The following MMP28 variants were observed in gnomAD, a reference collection of about 807,000 sequenced individuals.
MMP28 encodes the protein matrix metalloproteinase-28.
Under a neutral mutation model 60.5 loss-of-function variants are expected in MMP28, and 55 were observed. The observed-to-expected ratio is 0.91, with a 90% confidence interval of 0.73 to 1.14. The LOEUF (loss-of-function observed/expected upper bound fraction) is 1.14, where lower values mean the gene tolerates loss of function less well. Ranked by LOEUF, MMP28 falls within the 50% of genes most tolerant of loss-of-function variation. The probability of loss-of-function intolerance (pLI) is 0.00; values close to 1 mark genes in which losing one functional copy is unlikely to be tolerated. For missense variants in MMP28, 686 were observed against 738.3 expected (o/e 0.93, Z 0.82); for synonymous variants, 318 against 312.5 (o/e 1.02, Z -0.18).
downstream of MMP28, among the ~76,000 whole-genome samples, chr17:35,762,937 A>G (rs587750049): frequency 6.6e-6 from 1 of 152,214 alleles, no homozygotes; most frequent in South Asian, 2.1e-4. Flanking sequence ...CCTGGCAAAC[A>G]TGGTGAAACC....
chr17:35,779,327 C>T lies in MMP28; in HGVS notation c.112-4G>A, dbSNP rs113987867. ...ATCCGTACTTCTCTAGGAATGCCTG[C>T]GGGAGAGAGGAATATCTGCTTTTTC... On this transcript the variant is annotated splice_region_variant and splice_polypyrimidine_tract_variant and intron_variant, in intron 1 of 7. Transcript: ENST00000605424. 676 of 1,609,894 alleles carry T rather than the reference C, an allele frequency of 4.2e-4. 7 individuals are homozygous for T. In the Middle Eastern group the frequency reaches 0.018, roughly 43 times the overall value.
In MMP28 at chr17:35,766,449, A is replaced by T; in HGVS notation, c.*51T>A. ...AGGGGTTCTGCCCCGGGGGTGGGGA[A>T]CATGATTTTGCCCTGAGAGCACCAC... On this transcript the variant is annotated 3_prime_UTR_variant, in exon 8 of 8. Coordinates refer to ENST00000605424, the MANE Select transcript of MMP28 (RefSeq NM_024302.5). This position sits in a 1 kb window ranked among gnomAD's most constrained non-coding sequence, Gnocchi z 4.3. 1 of 1,505,022 alleles carries T rather than the reference A, an allele frequency of 6.6e-7. No individual in the cohort carries two copies. The highest frequency in any genetic ancestry group is 1.3e-5 in the South Asian group (1 of 78,244). 93.2% of individuals were successfully genotyped at this position (1,505,022 alleles called of 1,614,324 possible).
chr17:35,793,917 G>A (rs2086887856), intron 1 of MMP28, among the ~76,000 whole-genome samples: 1 of 152,086 alleles, frequency 6.6e-6, no homozygotes, highest in African/African-American at 2.4e-5. Flanking sequence ...GGCCAATATG[G>A]TGAAACCCCG....
chr17:35,792,922 A>G (rs1310944044), intron 1 of MMP28, among the ~76,000 whole-genome samples: 1 of 152,150 alleles, frequency 6.6e-6, no homozygotes, highest in Non-Finnish European at 1.5e-5. Context: ...GGAGAAGAAA[A>G]CTGAGGTTTA....
downstream of MMP28, chr17:35,764,480 G>GC: frequency 6.4e-7 from 1 of 1,569,436 alleles, no homozygotes; most frequent in Non-Finnish European, 8.6e-7. Context: ...GACGACCGCC[G>GC]CGCCGCGGGG....
Position 35,770,257 on chromosome 17 carries a change from T to G in MMP28, c.660A>C (p.Gln220His). 6.3e-7 allele frequency: 1 copy of G among 1,582,484 alleles called. No individual in the cohort carries two copies. The highest frequency in any genetic ancestry group is 8.5e-7 in the Non-Finnish European group (1 of 1,171,536). The change falls in exon 5 of 8, where the codon CAA becomes CAC. Residue 220 changes from glutamine to histidine, a missense_variant. Physicochemically the swap from Gln to His is conservative, Grantham distance 24 (BLOSUM62 0). Transcript: ENST00000605424. ...GGCGGCTCAGGGACCAGCGCTCATC[T>G]TGGTCGAAGTGCGCTTCGCCGCGGC... ...LPRRGEAHFD[Q>H]DERWSLSRRR... is the part of the protein sequence containing the mutation.
intron 2 of MMP28, among the ~76,000 whole-genome samples, chr17:35,760,376 G>A (rs979097010): frequency 6.6e-5 from 10 of 152,182 alleles, no homozygotes; most frequent in African/African-American, 1.9e-4. Flanking sequence ...TGGTACCCGA[G>A]TCCTACTTCC....
chr17:35,760,374 G>A (rs781943259), intron 2 of MMP28, among the ~76,000 whole-genome samples: 6 of 152,166 alleles, frequency 3.9e-5, no homozygotes, highest in African/African-American at 7.2e-5. Flanking sequence ...CCTGGTACCC[G>A]AGTCCTACTT....
chr17:35,762,537 G>A (rs1555601712), downstream of MMP28, among the ~76,000 whole-genome samples: 1 of 152,122 alleles, frequency 6.6e-6, no homozygotes, highest in African/African-American at 2.4e-5. Flanking sequence ...CTGAACAAAG[G>A]CACCAGCAAG....
chr17:35,781,166 C>T (rs1555609276), intron 1 of MMP28, among the ~76,000 whole-genome samples: 1 of 152,160 alleles, frequency 6.6e-6, no homozygotes, highest in Admixed American at 6.5e-5. Context: ...GAGAGAGAGG[C>T]AGGGCTGTCA....
At chr17:35,775,833 G>A (rs1288180975) in intron 3 of MMP28, among the ~76,000 whole-genome samples, 1 of 152,222 alleles carries the variant, frequency 6.6e-6, no homozygotes, top group Non-Finnish European at 1.5e-5. Flanking sequence ...CCTGCAGGCA[G>A]GCAGGAGGAG....
downstream of MMP28, chr17:35,764,657 C>T: frequency 2.6e-6 from 4 of 1,531,574 alleles, no homozygotes; most frequent in Non-Finnish European, 3.5e-6. Context: ...CCATCATTTC[C>T]TGGCCCCAGA....
Position 35,766,437 on chromosome 17 carries a change from C to T in MMP28, c.*63G>A, listed in dbSNP as rs1327239319. 3.9e-5 allele frequency: 58 copies of T among 1,475,936 alleles called. No homozygotes were observed. The highest frequency in any genetic ancestry group is 4.9e-5 in the East Asian group (2 of 40,648). 91.4% of individuals were successfully genotyped at this position (1,475,936 alleles called of 1,614,324 possible). On this transcript the variant is annotated 3_prime_UTR_variant, in exon 8 of 8. Coordinates refer to ENST00000605424, the MANE Select transcript of MMP28 (RefSeq NM_024302.5). The surrounding 1 kb of genome is among the most constrained non-coding windows in gnomAD (Gnocchi z 4.3). ...GAGGCTTCTAAGAGGGGTTCTGCCC[C>T]GGGGGTGGGGAACATGATTTTGCCC...
At chr17:35,764,909 ACT>A (rs2085905444), downstream of MMP28, 2 of 233,224 alleles carry the variant, frequency 8.6e-6, no homozygotes, top group Non-Finnish European at 1.7e-5. Context: ...CGCACACCTG[ACT>A]CTGTCCGCTC....
At chr17:35,793,867 G>A (rs1230722806) in intron 1 of MMP28, among the ~76,000 whole-genome samples, 1 of 152,186 alleles carries the variant, frequency 6.6e-6, no homozygotes, top group Admixed American at 6.5e-5. Flanking sequence ...GGAAGCCAAG[G>A]CAGGCGGATC....
chr17:35,759,484 G>A (rs374693371), intron 2 of MMP28, among the ~76,000 whole-genome samples: 16 of 152,236 alleles, frequency 1.1e-4, no homozygotes, highest in African/African-American at 1.9e-4. Flanking sequence ...GGCAGATTAC[G>A]ACGTCAGGAG....
chr17:35,764,129 AGC>A (rs1263004095), downstream of MMP28: 4 of 1,549,622 alleles, frequency 2.6e-6, no homozygotes, highest in Non-Finnish European at 2.6e-6. Context: ...GCTGGAGGAC[AGC>A]GCGACGGAGG....
At chr17:35,769,878 G>C (rs1475938293) in intron 5 of MMP28, among the ~76,000 whole-genome samples, 189 bp downstream of exon 5, 1 of 152,088 alleles carries the variant, frequency 6.6e-6, no homozygotes, top group East Asian at 1.9e-4. Flanking sequence ...GGACTCGGGG[G>C]AGCAAGAATC....
intron 1 of MMP28, among the ~76,000 whole-genome samples, chr17:35,790,256 G>A (rs771995499): frequency 1.3e-5 from 2 of 151,696 alleles, no homozygotes; most frequent in African/African-American, 2.4e-5. Flanking sequence ...GTAGAGATGA[G>A]GTTTCACCAT....
Sources: gnomAD v4.1 joint callset for allele counts (sites outside exome capture counted in the v4.1 genomes callset) on GRCh38, gnomAD v4.1.1 for gene constraint, Gnocchi (gnomAD v3.1) non-coding constraint, MANE v1.5 for transcripts, NCBI Gene and HGNC (gene_info 2026-07-23, HGNC 2026-07-21) for gene names.